Variants in SPAG9 observed in about 807,000 individuals in gnomAD.
SPAG9 encodes the protein C-Jun-amino-terminal kinase-interacting protein 4.
Under a neutral mutation model 166.5 loss-of-function variants are expected in SPAG9, and 35 were observed. That is an observed-to-expected ratio of 0.21 (90% CI 0.16 to 0.28). The LOEUF is 0.28. SPAG9 is among the 10% of genes least tolerant of loss of function. The probability of loss-of-function intolerance (pLI) is 1.00; values close to 1 mark genes in which losing one functional copy is unlikely to be tolerated. For missense variants in SPAG9, 1,235 were observed against 1,603.3 expected (o/e 0.77, Z 3.92); for synonymous variants, 534 against 565.5 (o/e 0.94, Z 0.79).
At chr17:51,094,723 T>G (rs1598170253) in intron 1 of SPAG9, among the ~76,000 whole-genome samples, 1 of 152,326 alleles carries the variant, frequency 6.6e-6, no homozygotes, top group African/African-American at 2.4e-5. Flanking sequence ...ACACTCAAGA[T>G]CCAAACAAGG....
intron 5 of SPAG9, 84 bp from the exon 6 acceptor site, chr17:51,031,806 C>A (rs1330237897): frequency 3.2e-6 from 3 of 943,212 alleles, no homozygotes; most frequent in Non-Finnish European, 5.0e-6. Context: ...CTTGTACTAT[C>A]TCCCAAGATA....
intron 6 of SPAG9, among the ~76,000 whole-genome samples, chr17:51,024,909 T>TA (rs987825193): frequency 1.4e-5 from 2 of 147,046 alleles, no homozygotes; most frequent in Middle Eastern, 6.8e-3. Context: ...CACAATAAAA[T>TA]AAAAAAGGCT....
chr17:50,996,393 C>T (rs2044680957), intron 16 of SPAG9, 172 bp downstream of exon 16: 4 of 673,078 alleles, frequency 5.9e-6, no homozygotes, highest in Non-Finnish European at 9.9e-6. Flanking sequence ...TTGAGTTCTA[C>T]AGCTCTAGAA....
chr17:50,983,012 T>A (rs936483416), intron 24 of SPAG9, among the ~76,000 whole-genome samples: 1 of 152,242 alleles, frequency 6.6e-6, no homozygotes, highest in Non-Finnish European at 1.5e-5. Flanking sequence ...ATTTTGGGAA[T>A]AACGTCTCTC....
chr17:50,990,671 G>A lies in SPAG9; in HGVS notation c.2399-3C>T. 1 of 1,611,414 alleles carries A rather than the reference G, an allele frequency of 6.2e-7. No individual in the cohort carries two copies. On this transcript the variant is annotated splice_polypyrimidine_tract_variant and splice_region_variant and intron_variant, in intron 19 of 29. Coordinates refer to ENST00000262013, the MANE Select transcript of SPAG9 (RefSeq NM_001130528.3). ...AGGGTAGTCTGTTTCTCGTGCACCTGAAAAATAAATCTTCTTGTAACAGCA... is the reference window on the plus strand; with the variant it reads ...AGGGTAGTCTGTTTCTCGTGCACCTAAAAAATAAATCTTCTTGTAACAGCA...
intron 1 of SPAG9, among the ~76,000 whole-genome samples, chr17:51,104,064 G>A (rs757124171): frequency 1.6e-4 from 24 of 152,186 alleles, no homozygotes; most frequent in Non-Finnish European, 1.5e-4. Flanking sequence ...GAATGAGGAA[G>A]AGTTAGGGAT....
rs554956506 is a variant in SPAG9, at chr17:51,095,912, GATAT to G, written c.304-16212_304-16209del. Among the ~76,000 whole-genome samples the G allele has an allele frequency of 8.5e-4, 114 of 134,580 alleles. 1 individual carries two copies. Among genetic ancestry groups the G allele is most frequent in the African/African-American group, 3.1e-3 (110 of 35,238 alleles). The allele number at this position is 134,580 out of a possible 152,430, so 88.3% of individuals were successfully genotyped here. A position where few individuals can be genotyped will look rare whatever the true frequency, so the allele number is the denominator to read the frequency against. ...TGATATATACAGTGATATATATAGT[GATAT>G]ATATATAGTGATATATATAGTGATA... On this transcript the variant is annotated intron_variant, in intron 1 of 29. Transcript: ENST00000262013.
chr17:51,037,681 ATATAGTGTGT>A lies in SPAG9; in HGVS notation c.741+3810_741+3819del, dbSNP rs1223110526. Among the ~76,000 whole-genome samples the A allele has an allele frequency of 8.2e-4, 81 of 98,748 alleles. 12 individuals carry two copies. Among genetic ancestry groups the A allele is most frequent in the Admixed American group, 1.9e-3 (18 of 9,560 alleles). The allele number at this position is 98,748 out of a possible 152,430, so 64.8% of individuals were successfully genotyped here. On this transcript the variant is annotated intron_variant, in intron 5 of 29. Transcript: ENST00000262013. ...ATATGTGTTTTATATATATATATAT[ATATAGTGTGT>A]GTGTGTGTGTGTGTGTGTGTGTGTG...
chr17:51,091,504 G>T (rs1456441213), intron 1 of SPAG9, among the ~76,000 whole-genome samples: 1 of 151,684 alleles, frequency 6.6e-6, no homozygotes, highest in African/African-American at 2.4e-5. Context: ...TGTTGTTGTT[G>T]TTGTTGTTTG....
At chr17:51,052,932 T>G (rs1447810768) in intron 3 of SPAG9, among the ~76,000 whole-genome samples, 2 of 151,708 alleles carry the variant, frequency 1.3e-5, no homozygotes, top group African/African-American at 2.4e-5. Flanking sequence ...GGTGGTGCAC[T>G]CCTGTAATCC....
At chr17:51,091,984 TAAAA>T (rs66581264) in intron 1 of SPAG9, among the ~76,000 whole-genome samples, 4 of 129,268 alleles carry the variant, frequency 3.1e-5, no homozygotes, top group African/African-American at 5.6e-5. Context: ...CTCCCAAAGT[TAAAA>T]AAAAAAAAAA....
chr17:51,079,569 A>T lies in SPAG9; in HGVS notation c.424+15T>A. 1 of 1,611,090 alleles carries T rather than the reference A, an allele frequency of 6.2e-7. No homozygotes were observed. Among genetic ancestry groups the T allele is most frequent in the Non-Finnish European group, 8.5e-7 (1 of 1,179,056 alleles). On this transcript the variant is annotated intron_variant, in intron 2 of 29. Transcript: ENST00000262013. ...CAATCTTTAGTGTACTTATGAGAAG[A>T]AATGTTTTACTTACTCTGGTCAGCA...
At chr17:51,044,346 T>C (rs565218885) in intron 4 of SPAG9, among the ~76,000 whole-genome samples, 10 of 152,246 alleles carry the variant, frequency 6.6e-5, no homozygotes, top group Non-Finnish European at 1.5e-4. Flanking sequence ...GGCAGATTTA[T>C]ACCTGCAGAC....
intron 5 of SPAG9, among the ~76,000 whole-genome samples, chr17:51,036,441 G>A (rs150570981): frequency 2.0e-5 from 3 of 152,046 alleles, no homozygotes; most frequent in Non-Finnish European, 4.4e-5. Context: ...TTTGTGCCTC[G>A]ACTTTCAGCG....
intron 1 of SPAG9, among the ~76,000 whole-genome samples, chr17:51,085,648 C>A (rs1371819386): frequency 2.0e-5 from 3 of 152,170 alleles, no homozygotes; most frequent in African/African-American, 7.2e-5. Context: ...TACTTTGAGT[C>A]ATTTCCTTCA....
chr17:51,014,562 G>C (rs898992494), intron 8 of SPAG9: 1 of 453,886 alleles, frequency 2.2e-6, no homozygotes, highest in Non-Finnish European at 3.9e-6. Context: ...ATTATAGAAT[G>C]TTTTTGTTGT....
intron 12 of SPAG9, among the ~76,000 whole-genome samples, chr17:51,004,079 C>A (rs535065568): frequency 6.6e-6 from 1 of 152,120 alleles, no homozygotes; most frequent in Non-Finnish European, 1.5e-5. Context: ...GGAAAAGAAG[C>A]TGGTCTCCAA....
At chr17:51,098,683 G>A (rs892280757) in intron 1 of SPAG9, among the ~76,000 whole-genome samples, 11 of 152,074 alleles carry the variant, frequency 7.2e-5, no homozygotes, top group East Asian at 2.0e-4. Flanking sequence ...TAGTAGAGAC[G>A]GGGTTTCTCT....
At chr17:51,059,748 G>A (rs1052597806) in intron 2 of SPAG9, among the ~76,000 whole-genome samples, 1 of 150,392 alleles carries the variant, frequency 6.6e-6, no homozygotes, top group Admixed American at 6.7e-5. Flanking sequence ...CCAGCCTGGC[G>A]ACAGAGTGTG....
Sources: gnomAD v4.1 joint callset for allele counts (sites outside exome capture counted in the v4.1 genomes callset) on GRCh38, gnomAD v4.1.1 for gene constraint, MANE v1.5 for transcripts, NCBI Gene and HGNC (gene_info 2026-07-23, HGNC 2026-07-21) for gene names.